The following ZNF28 variants were observed in gnomAD, a reference collection of about 807,000 sequenced individuals.
ZNF28 encodes the protein zinc finger protein KOX24.
A neutral mutation model predicts 7.2 loss-of-function variants in ZNF28; 5 were observed. That is an observed-to-expected ratio of 0.70 (90% CI 0.36 to 1.46). The LOEUF is 1.46. Ranked by LOEUF, ZNF28 falls within the 40% of genes most tolerant of loss-of-function variation. The pLI is 0.03. For synonymous variants in ZNF28, 288 were observed against 292.4 expected, an observed-to-expected ratio of 0.99 and a Z score of 0.15; for missense variants, 879 against 866.6, an observed-to-expected ratio of 1.01 and a Z score of -0.18.
chr19:52,799,042 TCTC>T lies in ZNF28; in HGVS notation c.*643_*645del, dbSNP rs1335857259. 2 of 555,802 alleles carry T rather than the reference TCTC, an allele frequency of 3.6e-6. No individual in the cohort carries two copies. Among genetic ancestry groups the T allele is most frequent in the Non-Finnish European group, 6.2e-6 (2 of 320,326 alleles). 34.4% of individuals were successfully genotyped at this position (555,802 alleles called of 1,614,324 possible). ...TGTATGTTTTTTCTCCAGTATGAATTCTCCTGTCTTTCAAGCTGTGATTTGTGA... is the reference window on the plus strand; with the variant it reads ...TGTATGTTTTTTCTCCAGTATGAATTCTGTCTTTCAAGCTGTGATTTGTGA... On this transcript the variant is annotated 3_prime_UTR_variant, in exon 4 of 4. Transcript: ENST00000457749.
chr19:52,807,842 C>G, intron 3 of ZNF28, 165 bp downstream of exon 3: 3 of 1,168,266 alleles, frequency 2.6e-6, no homozygotes, highest in Non-Finnish European at 3.6e-6. Flanking sequence ...AATGCAGAAC[C>G]TCTAAACAAA....
In ZNF28 at chr19:52,800,149, T is replaced by C. The variant is rs1045921949; in HGVS notation, c.1696A>G (p.Met566Val). Reference protein sequence around the residue: ...CEKVFSRKSHMERHRRIHTGE... With the variant: ...CEKVFSRKSHVERHRRIHTGE... ...GTATGAATCCTCCTATGTCTTTCCA[T>C]GTGTGATTTGCGACTGAAAACTTTC... Residue 566 changes from methionine (M) to valine (V), a missense_variant, in exon 4 of 4, where the codon ATG becomes GTG. Physicochemically the swap from Met to Val is conservative, Grantham distance 21 (BLOSUM62 1). Coordinates refer to ENST00000457749, the MANE Select transcript of ZNF28 (RefSeq NM_006969.5). 5 of 1,610,566 alleles carry C rather than the reference T, an allele frequency of 3.1e-6. No homozygotes were observed. Among genetic ancestry groups the C allele is most frequent in the South Asian group, 1.1e-5 (1 of 90,910 alleles).
chr19:52,808,266 C>T (rs1165742576), intron 2 of ZNF28, 133 bp from the exon 3 acceptor site: 5 of 1,486,452 alleles, frequency 3.4e-6, no homozygotes, highest in Middle Eastern at 1.8e-4. Context: ...GGATTTTTCA[C>T]CACATGATGT....
chr19:52,803,485 T>C (rs1238853675), intron 3 of ZNF28, among the ~76,000 whole-genome samples: 1 of 152,060 alleles, frequency 6.6e-6, no homozygotes, highest in Non-Finnish European at 1.5e-5. Context: ...TTGCAACCCA[T>C]GATAAAACAA....
rs1301995087 is a variant in ZNF28 at position 52,800,342 on chromosome 19, G to A, written c.1503C>T (p.Asp501=). The A allele has an allele frequency of 3.1e-6, 5 of 1,613,810 alleles. No homozygotes were observed. Among genetic ancestry groups the A allele is most frequent in the Non-Finnish European group, 4.2e-6 (5 of 1,179,970 alleles). The change falls in exon 4 of 4, where the codon GAC becomes GAT. Residue 501 remains aspartate, a synonymous_variant. Transcript: ENST00000457749. ...GGCATGAATCACTCCGGAAAGCCTT[G>A]TCACAAACCTTACATTTGTATGGTT... ...GEKPYKCKVC[D]KAFRSDSCLT...
Position 52,800,716 on chromosome 19 carries a change from G to A in ZNF28, c.1129C>T (p.His377Tyr). ...LSTLARHRRL[H>Y]TGEKPYECEE... ...CATTCATAAGGTTTCTCTCCAGTAT[G>A]AAGCCTACGATGGCGTGCAAGGGTT... is the stretch of plus-strand genomic sequence containing the variant. Residue 377 changes from histidine (H) to tyrosine (Y), a missense_variant, in exon 4 of 4, where the codon CAT (histidine) becomes TAT (tyrosine). Physicochemically the swap from His to Tyr is moderately conservative, Grantham distance 83 (BLOSUM62 2). Transcript: ENST00000457749. The A allele has an allele frequency of 6.2e-7, 1 of 1,613,650 alleles. No individual in the cohort carries two copies. The highest frequency in any genetic ancestry group is 8.5e-7 in the Non-Finnish European group (1 of 1,179,954).
At chr19:52,802,761 CTT>C (rs11347464) in intron 3 of ZNF28, among the ~76,000 whole-genome samples, 141 of 127,504 alleles carry the variant, frequency 1.1e-3, no homozygotes, top group Non-Finnish European at 1.2e-3. Context: ...CACGTTGTGA[CTT>C]TTTTTTTTTT....
Position 52,800,059 on chromosome 19 carries a change from G to A in ZNF28, c.1786C>T (p.Gln596Ter), listed in dbSNP as rs1404812638. 6 of 1,613,516 alleles carry A rather than the reference G, an allele frequency of 3.7e-6. No homozygotes were observed. Among genetic ancestry groups the A allele is most frequent in the Non-Finnish European group, 4.2e-6 (5 of 1,179,872 alleles). Residue 596 changes from glutamine (Q) to a stop codon, truncating the protein, a stop_gained, in exon 4 of 4, where the codon CAA (glutamine) becomes TAA (stop). Transcript: ENST00000457749. LOFTEE classifies it low-confidence loss of function (END_TRUNC). ...KAFRRDSHLA[Q>*]HQRVHTGEKP... ...TCTCCAGTATGAACTCTCTGATGTT[G>A]TGCCAGGTGTGAATCCCTCCGGAAA... is the stretch of plus-strand genomic sequence containing the variant.
chr19:52,818,661 C>T (rs1000918514), intron 1 of ZNF28, among the ~76,000 whole-genome samples: 4 of 151,926 alleles, frequency 2.6e-5, no homozygotes, highest in African/African-American at 7.3e-5. Context: ...GACCCAAGAT[C>T]GCGCCACTCC....
chr19:52,807,982 C>A (rs771402760), intron 3 of ZNF28, 25 bp downstream of exon 3: 9 of 1,612,430 alleles, frequency 5.6e-6, no homozygotes, highest in South Asian at 3.3e-5. Context: ...TACACAAGGG[C>A]ACATCCCCAG....
Position 52,800,976 on chromosome 19 carries a change from T to C in ZNF28, c.869A>G (p.Lys290Arg). 1 of 1,614,094 alleles carries C rather than the reference T, an allele frequency of 6.2e-7. No individual in the cohort carries two copies. The highest frequency in any genetic ancestry group is 8.5e-7 in the Non-Finnish European group (1 of 1,180,002). Reference sequence around the variant, plus strand: ...AGGTTTGTCTGCAGTATGAAGCGCCTTGTGAAGGAAGAGGGATGTATTGTG... The same window carrying C: ...AGGTTTGTCTGCAGTATGAAGCGCCCTGTGAAGGAAGAGGGATGTATTGTG... ...FGHNTSLFLHKALHTADKPYE... is the reference protein window; with the variant it reads ...FGHNTSLFLHRALHTADKPYE... The change falls in exon 4 of 4, where the codon AAG becomes AGG. Residue 290 changes from lysine to arginine, a missense_variant. This residue lies in a region of ZNF28 where 864 missense variants were observed against 830.2 expected (regional missense o/e 1.04). Coordinates refer to ENST00000457749, the MANE Select transcript of ZNF28 (RefSeq NM_006969.5).
intron 1 of ZNF28, among the ~76,000 whole-genome samples, chr19:52,818,581 G>A (rs1299169566): frequency 3.3e-5 from 5 of 152,054 alleles, no homozygotes; most frequent in Admixed American, 6.6e-5. Context: ...GGCTTGATGC[G>A]CATCTGTAAT....
At position 52,800,973 on chromosome 19, in the gene ZNF28, G is replaced by A. The variant is rs181082124; in HGVS notation, c.872C>T (p.Ala291Val). The A allele has an allele frequency of 1.4e-4, 229 of 1,614,000 alleles. No individual in the cohort carries two copies. In the Admixed American group the frequency reaches 3.2e-3, roughly 23 times the overall value. ...GHNTSLFLHK[A>V]LHTADKPYEC... ...ATAAGGTTTGTCTGCAGTATGAAGC[G>A]CCTTGTGAAGGAAGAGGGATGTATT... is the stretch of plus-strand genomic sequence containing the variant. The change falls in exon 4 of 4, where the codon GCG becomes GTG. Residue 291 changes from alanine (A) to valine (V), a missense_variant. Ala to Val is a moderately conservative substitution (Grantham distance 64, BLOSUM62 0). Transcript: ENST00000457749.
At chr19:52,819,915 T>G (rs1327332865) in intron 1 of ZNF28, among the ~76,000 whole-genome samples, 2 of 142,606 alleles carry the variant, frequency 1.4e-5, no homozygotes, top group Admixed American at 1.4e-4. Flanking sequence ...CATAAGCAAA[T>G]TATTTCAATC....
intron 2 of ZNF28, chr19:52,809,961 G>A (rs746358123): frequency 7.5e-6 from 6 of 802,386 alleles, no homozygotes; most frequent in Admixed American, 4.0e-5. Flanking sequence ...CGCAGGGGAC[G>A]ATGGGAACGG....
rs1377215369 is a variant in ZNF28, at chr19:52,817,991, G to A, written c.-33C>T. The A allele has an allele frequency of 6.2e-7, 1 of 1,610,296 alleles. No individual in the cohort carries two copies. The highest frequency in any genetic ancestry group is 1.7e-5 in the Admixed American group (1 of 59,898). ...TCCTTTGCTTTCCTCTTCCTCTTCTGGGTTTCTTCCTCACGTACCAAGATT... is the reference window on the plus strand; with the variant it reads ...TCCTTTGCTTTCCTCTTCCTCTTCTAGGTTTCTTCCTCACGTACCAAGATT... On this transcript the variant is annotated 5_prime_UTR_variant, in exon 2 of 4. Coordinates refer to ENST00000457749, the MANE Select transcript of ZNF28 (RefSeq NM_006969.5).
chr19:52,811,578 G>A (rs2063040430), intron 2 of ZNF28, among the ~76,000 whole-genome samples: 1 of 148,392 alleles, frequency 6.7e-6, no homozygotes, highest in African/African-American at 2.5e-5. Context: ...CCTCTGCTGG[G>A]CCGCAACCCT....
At chr19:52,812,762 T>TTAAA (rs1474315343) in intron 2 of ZNF28, among the ~76,000 whole-genome samples, 21 of 75,430 alleles carry the variant, frequency 2.8e-4, no homozygotes, top group African/African-American at 5.1e-4. Context: ...GAATGATCAA[T>TTAAA]AAAAAAAAAA....
chr19:52,816,391 G>A (rs865879667), intron 2 of ZNF28, among the ~76,000 whole-genome samples: 1 of 146,090 alleles, frequency 6.8e-6, no homozygotes, highest in African/African-American at 2.7e-5. Context: ...CAAGCCGGGC[G>A]CGGTGGCTCA....
Sources: gnomAD v4.1 joint callset for allele counts (sites outside exome capture counted in the v4.1 genomes callset) on GRCh38, gnomAD v4.1.1 for gene constraint, gnomAD v4.1.1 regional missense constraint, MANE v1.5 for transcripts, NCBI Gene and HGNC (gene_info 2026-07-23, HGNC 2026-07-21) for gene names.